The following TASOR2 variants were observed in gnomAD, a reference collection of about 807,000 sequenced individuals.
TASOR2 encodes the protein transcription activation suppressor family member 2.
TASOR2 carries 84 observed loss-of-function variants against 199.5 expected under a neutral mutation model. That is an observed-to-expected ratio of 0.42 (90% confidence interval 0.35 to 0.50). The LOEUF (loss-of-function observed/expected upper bound fraction) is 0.50. TASOR2 is among the 20% of genes least tolerant of loss of function. The pLI is 0.02. For synonymous variants in TASOR2, 1,103 were observed against 1,046.6 expected (o/e 1.05, Z -1.04); for missense variants, 2,796 against 2,835.9 (o/e 0.99, Z 0.32).
exon 19 of TASOR2, chr10:5,761,363 C>A (rs1423197921): frequency 6.2e-7 from 1 of 1,613,822 alleles, no homozygotes; most frequent in Non-Finnish European, 8.5e-7. Context: ...TGAATTGCTT[C>A]ATTATCACCA....
chr10:5,707,728 A>ACACACG (rs1564270193), intron 1 of TASOR2, among the ~76,000 whole-genome samples: 4 of 504 alleles, frequency 7.9e-3, no homozygotes, highest in African/African-American at 0.01. Flanking sequence ...ACTCATTTTC[A>ACACACG]CACACACACA....
chr10:5,723,645 A>T, intron 6 of TASOR2, 32 bp from the exon 8 acceptor site: 1 of 1,342,998 alleles, frequency 7.4e-7, no homozygotes, highest in African/African-American at 1.5e-5. Context: ...ACTGTTTATT[A>T]TTCTGCTTGA....
chr10:5,746,994 C>A, exon 15 of TASOR2: 1 of 1,614,144 alleles, frequency 6.2e-7, no homozygotes, highest in Non-Finnish European at 8.5e-7. Context: ...AGAGTCTCCT[C>A]GGCCTATCTT....
chr10:5,753,746 G>T (rs1367782801), intron 15 of TASOR2, among the ~76,000 whole-genome samples: 1 of 152,126 alleles, frequency 6.6e-6, no homozygotes, highest in Non-Finnish European at 1.5e-5. Context: ...TGCCATTTCG[G>T]TAAGCAGCAC....
chr10:5,687,954 C>T lies in TASOR2; in HGVS notation c.-288+2779C>T. Among the ~76,000 whole-genome samples the T allele has an allele frequency of 6.6e-6, 1 of 152,168 alleles. No individual in the cohort carries two copies. ...TACCTTTAAATATAATAACCCATTA[C>T]ATCTTAACATATTTTATCTCCCCAA... On this transcript the variant is annotated intron_variant, in intron 1 of 20. Transcript: ENST00000328090. This position sits in a 1 kb window ranked among gnomAD's most constrained non-coding sequence, Gnocchi z 4.8.
chr10:5,757,650 A>G (rs2275774), exon 17 of TASOR2: 284,338 of 1,612,826 alleles, frequency 0.18, 27,348 homozygotes, highest in Non-Finnish European at 0.2. Context: ...TCAGATGACA[A>G]GATACTAGAA....
intron 17 of TASOR2, among the ~76,000 whole-genome samples, chr10:5,758,108 C>A (rs1839235762): frequency 6.6e-6 from 1 of 152,184 alleles, no homozygotes; most frequent in Non-Finnish European, 1.5e-5. Flanking sequence ...CTTATTTAAT[C>A]ATCTACTTGA....
In TASOR2 at chr10:5,706,913, G is replaced by A. The variant is rs1838691443; in HGVS notation, c.-287-5910G>A. Among the ~76,000 whole-genome samples the A allele has an allele frequency of 6.6e-6, 1 of 152,000 alleles. No homozygotes were observed. Among genetic ancestry groups the A allele is most frequent in the African/African-American group, 2.4e-5 (1 of 41,360 alleles). On this transcript the variant is annotated intron_variant, in intron 1 of 20. Coordinates refer to ENST00000328090, the Ensembl canonical transcript of TASOR2. This position sits in a 1 kb window ranked among gnomAD's most constrained non-coding sequence, Gnocchi z 4.8. ...AGCTACACGGGAGGCCGAGGCAAGA[G>A]AGTTGCTTGAACCCGGGAGGTGGAG... is the stretch of plus-strand genomic sequence containing the variant.
chr10:5,726,623 ATTGATCTGCCATGTTC>A (rs1834091082), intron 8 of TASOR2, among the ~76,000 whole-genome samples: 1 of 152,184 alleles, frequency 6.6e-6, no homozygotes, highest in South Asian at 2.1e-4. Flanking sequence ...GTCTTTTCTG[ATTGATCTGCCATGTTC>A]TTGAGCACTG....
chr10:5,746,738 G>C, exon 15 of TASOR2: 1 of 1,614,094 alleles, frequency 6.2e-7, no homozygotes. Flanking sequence ...CGAACACAAG[G>C]CCTGAGGGAC....
chr10:5,762,137 G>A (rs1839944393), intron 19 of TASOR2, among the ~76,000 whole-genome samples: 2 of 151,842 alleles, frequency 1.3e-5, no homozygotes, highest in Non-Finnish European at 2.9e-5. Flanking sequence ...GTGGTGATGT[G>A]TGCCTATAGT....
chr10:5,709,801 A>G, intron 1 of TASOR2: 6 of 745,838 alleles, frequency 8.0e-6, no homozygotes, highest in Non-Finnish European at 1.1e-5. Flanking sequence ...TATATTTTTT[A>G]AAATAATCAT....
rs911088776 is a variant in TASOR2, at chr10:5,742,851, C to T, written c.2757+325C>T. 2.6e-5 allele frequency among the ~76,000 whole-genome samples: 4 copies of T among 152,046 alleles called. No homozygotes were observed. Among genetic ancestry groups the T allele is most frequent in the Admixed American group, 2.6e-4 (4 of 15,268 alleles). Reference sequence around the variant, plus strand: ...AGAGGTGACTTAATACCTATCAAGTCTTATGTAGAATATTGTTTAAGGATC... The same window carrying T: ...AGAGGTGACTTAATACCTATCAAGTTTTATGTAGAATATTGTTTAAGGATC... On this transcript the variant is annotated intron_variant, in intron 14 of 20. Transcript: ENST00000328090. This position sits in a 1 kb window ranked among gnomAD's most constrained non-coding sequence, Gnocchi z 4.2.
intron 12 of TASOR2, among the ~76,000 whole-genome samples, chr10:5,736,939 GAGAA>G (rs1835693262): frequency 6.6e-6 from 1 of 152,092 alleles, no homozygotes; most frequent in South Asian, 2.1e-4. Context: ...TGAGAATTCA[GAGAA>G]AGAAATTGGA....
At chr10:5,688,627 G>A (rs952450126) in intron 1 of TASOR2, among the ~76,000 whole-genome samples, 12 of 151,992 alleles carry the variant, frequency 7.9e-5, no homozygotes, top group Non-Finnish European at 1.8e-4. Flanking sequence ...ACTTTCAAGG[G>A]CTCTTTTACC....
In TASOR2 at chr10:5,699,519, T is replaced by C. The variant is rs924167930; in HGVS notation, c.-287-13304T>C. The C allele has an allele frequency of 6.6e-6, 1 of 152,138 alleles. No individual in the cohort carries two copies. The highest frequency in any genetic ancestry group is 2.4e-5 in the African/African-American group (1 of 41,422). 9.4% of individuals were successfully genotyped at this position (152,138 alleles called of 1,614,324 possible). A position where few individuals can be genotyped will look rare whatever the true frequency, so the allele number is the denominator to read the frequency against. ...CCGTATGAATTATATCTCAACATTG[T>C]ATTAGAAAATAAAATTAATGAAGCA... On this transcript the variant is annotated intron_variant, in intron 1 of 20. Coordinates refer to ENST00000328090, the Ensembl canonical transcript of TASOR2. The surrounding 1 kb of genome is among the most constrained non-coding windows in gnomAD (Gnocchi z 4.1).
intron 1 of TASOR2, among the ~76,000 whole-genome samples, chr10:5,693,273 A>C (rs894064955): frequency 3.3e-5 from 5 of 152,182 alleles, no homozygotes; most frequent in African/African-American, 1.2e-4. Flanking sequence ...GTGTGTGCCT[A>C]TGTAAACCTA....
In TASOR2 at chr10:5,751,291, T is replaced by G. The variant is rs1837996960; in HGVS notation, c.6606+1264T>G. On this transcript the variant is annotated intron_variant, in intron 15 of 20. Coordinates refer to ENST00000328090, the Ensembl canonical transcript of TASOR2. The surrounding 1 kb of genome is among the most constrained non-coding windows in gnomAD (Gnocchi z 5.3). ...TAGATTTAACATCGACTGGTGATTC[T>G]TATCTGAATCAGTTATTACTATGAT... 6.6e-6 allele frequency among the ~76,000 whole-genome samples: 1 copy of G among 152,252 alleles called. No individual in the cohort carries two copies. Among genetic ancestry groups the G allele is most frequent in the Non-Finnish European group, 1.5e-5 (1 of 68,048 alleles).
intron 19 of TASOR2, 198 bp downstream of exon 20, chr10:5,761,669 G>T (rs1454015292): frequency 1.7e-6 from 1 of 575,960 alleles, no homozygotes; most frequent in East Asian, 2.9e-5. Context: ...ATCCTCCTAT[G>T]TATGTAAGTC....
Sources: allele counts gnomAD v4.1 joint callset (sites outside exome capture counted in the v4.1 genomes callset), GRCh38; gene constraint gnomAD v4.1.1; non-coding constraint Gnocchi (gnomAD v3.1); transcripts MANE v1.5; gene names NCBI Gene and HGNC (gene_info 2026-07-23, HGNC 2026-07-21).